The following ST8SIA4 variants were observed in gnomAD, a reference collection of about 807,000 sequenced individuals.
ST8SIA4 encodes CMP-N-acetylneuraminate-poly-alpha-2,8-sialyltransferase.
ST8SIA4 carries 15 observed loss-of-function variants against 33.9 expected under a neutral mutation model. That is an observed-to-expected ratio of 0.44 (90% CI 0.30 to 0.68). The LOEUF is 0.68. Among genes scored for constraint, ST8SIA4 ranks in the 30% least tolerant of loss-of-function variants. The pLI, the probability that ST8SIA4 is intolerant of heterozygous loss-of-function variation, is 0.10. For synonymous variants in ST8SIA4, 171 were observed against 151.2 expected, an observed-to-expected ratio of 1.13 and a Z score of -0.96; for missense variants, 321 against 428.0, an observed-to-expected ratio of 0.75 and a Z score of 2.21.
chr5:100,825,734 G>A (rs1193716048), intron 4 of ST8SIA4, among the ~76,000 whole-genome samples: 4 of 152,088 alleles, frequency 2.6e-5, no homozygotes, highest in African/African-American at 7.2e-5. Flanking sequence ...ATAGGCTATC[G>A]ATATATAAAT....
At position 100,846,989 on chromosome 5, in the gene ST8SIA4, T is replaced by C. The variant is rs73159967; in HGVS notation, c.797+9114A>G. On this transcript the variant is annotated intron_variant, in intron 4 of 4. Transcript: ENST00000231461. The stretch of plus-strand genomic sequence containing the variant: ...ACCAGATTAAAATATCAGGAAACAC[T>C]GAAGTTCCGGAAGTGTGCATATCAG... Among the ~76,000 whole-genome samples, 608 of 152,184 alleles carry C rather than the reference T, an allele frequency of 4.0e-3. 5 individuals carry two copies. Among genetic ancestry groups the C allele is most frequent in the African/African-American group, 0.014 (584 of 41,556 alleles).
chr5:100,831,394 C>T (rs1268910375), intron 4 of ST8SIA4, among the ~76,000 whole-genome samples: 7 of 152,100 alleles, frequency 4.6e-5, no homozygotes, highest in Admixed American at 2.6e-4. Context: ...CAAAATGTAA[C>T]TATAAAAAAT....
intron 4 of ST8SIA4, among the ~76,000 whole-genome samples, chr5:100,817,917 A>G (rs1750962574): frequency 6.6e-6 from 1 of 152,184 alleles, no homozygotes; most frequent in Non-Finnish European, 1.5e-5. Flanking sequence ...ATAAAAAGAT[A>G]AGCGATTACT....
In ST8SIA4 at chr5:100,902,855, G is replaced by A; in HGVS notation, c.101C>T (p.Thr34Met). 1 of 1,613,630 alleles carries A rather than the reference G, an allele frequency of 6.2e-7. No individual in the cohort carries two copies. Among genetic ancestry groups the A allele is most frequent in the Non-Finnish European group, 8.5e-7 (1 of 1,179,578 alleles). ...GCTTTGCATTTACCCGATGAGTTGC[G>A]TCTCCTGGTGCTCCTCAGTTCTTGC... Reference protein sequence around the residue: ...EIARTEEHQETQLIGDGELSL... With the variant: ...EIARTEEHQEMQLIGDGELSL... The change falls in exon 1 of 5, where the codon ACG becomes ATG. Residue 34 changes from threonine (T) to methionine (M), a missense_variant. Thr to Met is a moderately conservative substitution (Grantham distance 81, BLOSUM62 -1). Coordinates refer to ENST00000231461, the MANE Select transcript of ST8SIA4 (RefSeq NM_005668.6).
chr5:100,821,153 A>G (rs553258277), intron 4 of ST8SIA4, among the ~76,000 whole-genome samples: 1 of 152,248 alleles, frequency 6.6e-6, no homozygotes, highest in Admixed American at 6.5e-5. Flanking sequence ...CTTTTTGAAA[A>G]TCAAAAACCA....
At chr5:100,813,598 G>A (rs1750855483) in intron 4 of ST8SIA4, among the ~76,000 whole-genome samples, 1 of 151,984 alleles carries the variant, frequency 6.6e-6, no homozygotes, top group Non-Finnish European at 1.5e-5. Context: ...TAAACACAAT[G>A]AAGAAAACAT....
At chr5:100,859,443 A>G (rs550897535) in intron 3 of ST8SIA4, among the ~76,000 whole-genome samples, 1 of 152,222 alleles carries the variant, frequency 6.6e-6, no homozygotes, top group Admixed American at 6.5e-5. Context: ...TAGCCAATTT[A>G]AATATTTGTG....
intron 4 of ST8SIA4, among the ~76,000 whole-genome samples, chr5:100,832,496 G>A (rs189923901): frequency 9.9e-5 from 15 of 152,242 alleles, no homozygotes; most frequent in African/African-American, 3.6e-4. Context: ...TGAAATGAAG[G>A]AGATTGTTCT....
At chr5:100,821,092 T>C (rs1441088351) in intron 4 of ST8SIA4, among the ~76,000 whole-genome samples, 4 of 151,728 alleles carry the variant, frequency 2.6e-5, no homozygotes, top group African/African-American at 9.7e-5. Context: ...TGAAGCATGA[T>C]GAAGGAGTTA....
intron 3 of ST8SIA4, among the ~76,000 whole-genome samples, chr5:100,862,093 G>A (rs1419838371): frequency 6.6e-6 from 1 of 152,178 alleles, no homozygotes; most frequent in Admixed American, 6.5e-5. Flanking sequence ...AACACATTTA[G>A]TAAGCCATTG....
chr5:100,851,711 C>G (rs1751702045), intron 4 of ST8SIA4, among the ~76,000 whole-genome samples: 1 of 151,940 alleles, frequency 6.6e-6, no homozygotes, highest in South Asian at 2.1e-4. Flanking sequence ...TTAAGAAATT[C>G]TCGTCATAGT....
rs1473264627 is a variant in ST8SIA4 at position 100,807,043 on chromosome 5, A to G, written c.*4804T>C. ...GGTTTTTGACATTGTTCATATTCCCATGTATACACTTAAAAATAAATGGTT... is the reference window on the plus strand; with the variant it reads ...GGTTTTTGACATTGTTCATATTCCCGTGTATACACTTAAAAATAAATGGTT... On this transcript the variant is annotated 3_prime_UTR_variant, in exon 5 of 5. Coordinates refer to ENST00000231461, the MANE Select transcript of ST8SIA4 (RefSeq NM_005668.6). 1 of 152,104 alleles carries G rather than the reference A, an allele frequency of 6.6e-6. No homozygotes were observed. The highest frequency in any genetic ancestry group is 2.4e-5 in the African/African-American group (1 of 41,446). 9.4% of individuals were successfully genotyped at this position (152,104 alleles called of 1,614,324 possible). A position where few individuals can be genotyped will look rare whatever the true frequency, so the allele number is the denominator to read the frequency against.
In ST8SIA4 at chr5:100,839,110, G is replaced by A. The variant is rs79919359; in HGVS notation, c.797+16993C>T. 1.5e-3 allele frequency among the ~76,000 whole-genome samples: 221 copies of A among 152,002 alleles called. 8 individuals carry two copies. In the East Asian group the frequency reaches 0.041, roughly 28 times the overall value. On this transcript the variant is annotated intron_variant, in intron 4 of 4. Transcript: ENST00000231461. ...CCCAAAAAGTTGGAATTACAGGCATGAGCCACCACACCCACCCATTTAAAA... is the reference window on the plus strand; with the variant it reads ...CCCAAAAAGTTGGAATTACAGGCATAAGCCACCACACCCACCCATTTAAAA...
At position 100,811,355 on chromosome 5, in the gene ST8SIA4, ATCAGAC is replaced by A. The variant is rs1048890750; in HGVS notation, c.*486_*491del. The A allele has an allele frequency of 6.5e-6, 1 of 152,766 alleles. No homozygotes were observed. The highest frequency in any genetic ancestry group is 2.4e-5 in the African/African-American group (1 of 41,418). 9.5% of individuals were successfully genotyped at this position (152,766 alleles called of 1,614,324 possible). A position where few individuals can be genotyped will look rare whatever the true frequency, so the allele number is the denominator to read the frequency against. On this transcript the variant is annotated 3_prime_UTR_variant, in exon 5 of 5. Coordinates refer to ENST00000231461, the MANE Select transcript of ST8SIA4 (RefSeq NM_005668.6). ...CATAAATTAAAACATAAAATTCATG[ATCAGAC>A]TCAGAGTCCTGACTGAAGCATTTAC... is the stretch of plus-strand genomic sequence containing the variant.
chr5:100,867,913 C>T (rs181995331), intron 3 of ST8SIA4, among the ~76,000 whole-genome samples: 1 of 151,964 alleles, frequency 6.6e-6, no homozygotes, highest in East Asian at 1.9e-4. Context: ...TAAGGTAGGC[C>T]AAGGCAATTT....
At chr5:100,882,447 T>C (rs1752446165) in intron 3 of ST8SIA4, among the ~76,000 whole-genome samples, 1 of 152,142 alleles carries the variant, frequency 6.6e-6, no homozygotes, top group South Asian at 2.1e-4. Context: ...CTGAATAAAA[T>C]AAAAGTTTGG....
At chr5:100,846,244 A>T (rs765274396) in intron 4 of ST8SIA4, among the ~76,000 whole-genome samples, 1 of 151,874 alleles carries the variant, frequency 6.6e-6, no homozygotes, top group African/African-American at 2.4e-5. Context: ...CTCTTCCTCA[A>T]TTCTGCTTGG....
At chr5:100,839,294 A>G (rs1751426267) in intron 4 of ST8SIA4, among the ~76,000 whole-genome samples, 3 of 152,136 alleles carry the variant, frequency 2.0e-5, no homozygotes, top group South Asian at 4.1e-4. Flanking sequence ...ACATAGTTTG[A>G]GCCTTATAAA....
chr5:100,850,320 G>C (rs904747716), intron 4 of ST8SIA4, among the ~76,000 whole-genome samples: 7 of 151,750 alleles, frequency 4.6e-5, no homozygotes, highest in Non-Finnish European at 7.4e-5. Flanking sequence ...TTAATACAAA[G>C]TAGAAGCTTA....
Sources: gnomAD v4.1 joint callset for allele counts (sites outside exome capture counted in the v4.1 genomes callset) on GRCh38, gnomAD v4.1.1 for gene constraint, MANE v1.5 for transcripts, NCBI Gene and HGNC (gene_info 2026-07-23, HGNC 2026-07-21) for gene names.